SOX6: variants seen among roughly 807,000 people sequenced by gnomAD.
SOX6 encodes the protein transcription factor SOX-6.
A neutral mutation model predicts 97.8 loss-of-function variants in SOX6; 11 were observed. That is an observed-to-expected ratio of 0.11 (90% CI 0.07 to 0.19). The LOEUF is 0.19. Among genes scored for constraint, SOX6 ranks in the 10% least tolerant of loss-of-function variants. The probability of loss-of-function intolerance (pLI) is 1.00; values close to 1 mark genes in which losing one functional copy is unlikely to be tolerated. For synonymous variants in SOX6, 360 were observed against 371.4 expected (o/e 0.97, Z 0.35); for missense variants, 810 against 1,039.5 (o/e 0.78, Z 3.04).
intron 3 of SOX6, among the ~76,000 whole-genome samples, chr11:16,655,431 C>T (rs920057373): frequency 1.3e-5 from 2 of 151,988 alleles, no homozygotes; most frequent in African/African-American, 4.8e-5. Context: ...AGAGGAAACA[C>T]GAAAGGTGAC....
rs751086191 is a variant in SOX6, at chr11:16,692,534, C to G, written n.429+22296G>C. The stretch of plus-strand genomic sequence containing the variant: ...GTATTCTCTAGGTCCCATATCCAAA[C>G]TTACATAAACACAAAACAAAAGACT... On this transcript the variant is annotated intron_variant and non_coding_transcript_variant, in intron 3 of 5. Coordinates refer to the SOX6 transcript ENST00000524520. Among the ~76,000 whole-genome samples, 38 of 152,176 alleles carry G rather than the reference C, an allele frequency of 2.5e-4. 2 individuals are homozygous for G. Among genetic ancestry groups the G allele is most frequent in the Non-Finnish European group, 4.3e-4 (29 of 68,036 alleles).
intron 2 of SOX6, among the ~76,000 whole-genome samples, chr11:16,340,006 C>T (rs1856581480): frequency 6.6e-6 from 1 of 152,012 alleles, no homozygotes; most frequent in Non-Finnish European, 1.5e-5. Context: ...TGCTTCTCAC[C>T]TACTGTTTCA....
At chr11:16,716,838 C>G (rs541249722) in intron 2 of SOX6, among the ~76,000 whole-genome samples, 5 of 151,848 alleles carry the variant, frequency 3.3e-5, no homozygotes, top group African/African-American at 4.8e-5. Flanking sequence ...TTAAATAAAG[C>G]TCAAAAACAG....
chr11:16,431,658 C>A (rs1859274840), intron 1 of SOX6, among the ~76,000 whole-genome samples: 1 of 151,932 alleles, frequency 6.6e-6, no homozygotes, highest in Admixed American at 6.6e-5. Context: ...AAAGAAAAAA[C>A]AATGTACCTT....
chr11:16,219,053 C>T (rs1479061758), intron 4 of SOX6, among the ~76,000 whole-genome samples: 4 of 152,098 alleles, frequency 2.6e-5, no homozygotes, highest in Non-Finnish European at 5.9e-5. Flanking sequence ...TAAAAACGTG[C>T]TAGGCACTCA....
chr11:16,202,642 C>T (rs1851970559), intron 4 of SOX6, among the ~76,000 whole-genome samples: 1 of 152,048 alleles, frequency 6.6e-6, no homozygotes, highest in Non-Finnish European at 1.5e-5. Context: ...AGCAGGAACA[C>T]AAAAGACAAC....
chr11:16,719,870 T>G (rs1447257779), intron 2 of SOX6, among the ~76,000 whole-genome samples: 1 of 152,078 alleles, frequency 6.6e-6, no homozygotes, highest in African/African-American at 2.4e-5. Context: ...GCTGCACCAC[T>G]GCACCCCAGC....
At chr11:16,423,725 G>A (rs1250546218) in intron 1 of SOX6, among the ~76,000 whole-genome samples, 3 of 152,106 alleles carry the variant, frequency 2.0e-5, no homozygotes, top group African/African-American at 7.2e-5. Flanking sequence ...AGTTAAACAG[G>A]CAGAACTAAG....
At chr11:16,028,612 G>A (rs1324812393) in intron 12 of SOX6, among the ~76,000 whole-genome samples, 2 of 152,116 alleles carry the variant, frequency 1.3e-5, no homozygotes, top group Non-Finnish European at 2.9e-5. Context: ...GATTATTGCA[G>A]TCTCAAAAAA....
intron 1 of SOX6, among the ~76,000 whole-genome samples, chr11:16,399,923 T>A (rs1858500845): frequency 6.6e-6 from 1 of 151,426 alleles, no homozygotes. Context: ...AATGGAAGTT[T>A]TAGCCAGTGC....
intron 3 of SOX6, among the ~76,000 whole-genome samples, chr11:16,661,510 A>G (rs1257334324): frequency 6.6e-6 from 1 of 151,964 alleles, no homozygotes; most frequent in East Asian, 1.9e-4. Context: ...TTTTCTTTTA[A>G]AAAAAATCTT....
intron 1 of SOX6, among the ~76,000 whole-genome samples, chr11:16,350,876 C>A (rs1856928643): frequency 6.6e-6 from 1 of 152,088 alleles, no homozygotes; most frequent in African/African-American, 2.4e-5. Context: ...ACAATCAATA[C>A]TATGGGAATG....
At chr11:16,396,138 C>G (rs1004555822) in intron 1 of SOX6, among the ~76,000 whole-genome samples, 2 of 151,696 alleles carry the variant, frequency 1.3e-5, no homozygotes, top group African/African-American at 4.8e-5. Flanking sequence ...ATTAGCTTAT[C>G]TTTTGTTTTA....
At chr11:16,234,469 C>A (rs1352120139) in intron 4 of SOX6, 113 bp downstream of exon 4, 4 of 671,968 alleles carry the variant, frequency 6.0e-6, no homozygotes, top group Non-Finnish European at 1.1e-5. Flanking sequence ...CATGTACAAT[C>A]AAATGTTACA....
chr11:16,195,016 T>C (rs746035259), intron 4 of SOX6, among the ~76,000 whole-genome samples: 39 of 152,204 alleles, frequency 2.6e-4, no homozygotes, highest in Non-Finnish European at 4.1e-4. Flanking sequence ...ATGAAATTCT[T>C]TTGTCCTTTA....
At chr11:16,007,866 C>T (rs1483402004) in intron 13 of SOX6, among the ~76,000 whole-genome samples, 2 of 152,094 alleles carry the variant, frequency 1.3e-5, no homozygotes, top group African/African-American at 4.8e-5. Context: ...ATTTTGCAGT[C>T]CCATCGGGAA....
intron 4 of SOX6, among the ~76,000 whole-genome samples, chr11:16,227,231 T>C (rs1023839188): frequency 6.6e-6 from 1 of 152,188 alleles, no homozygotes; most frequent in African/African-American, 2.4e-5. Context: ...AAGTCAGTCT[T>C]CTAATTAAGA....
chr11:16,389,063 TTC>T (rs1448920812), intron 1 of SOX6, among the ~76,000 whole-genome samples: 1 of 152,108 alleles, frequency 6.6e-6, no homozygotes, highest in Non-Finnish European at 1.5e-5. Context: ...TTCCAATTTT[TTC>T]TCTGTTGTTT....
chr11:16,449,449 T>A (rs7926068), intron 1 of SOX6, among the ~76,000 whole-genome samples: 118,876 of 151,722 alleles, frequency 0.78, 46,773 homozygotes, highest in Middle Eastern at 0.85. Flanking sequence ...CCCGCTACCA[T>A]GCCCGGCTAA....
Sources: gnomAD v4.1 joint callset for allele counts (sites outside exome capture counted in the v4.1 genomes callset) on GRCh38, gnomAD v4.1.1 for gene constraint, MANE v1.5 for transcripts, NCBI Gene and HGNC (gene_info 2026-07-23, HGNC 2026-07-21) for gene names.